Variants in ALDH1A2 observed in about 807,000 individuals in gnomAD.
ALDH1A2 encodes the protein aldehyde dehydrogenase 1 family member A2.
Under a neutral mutation model 60.3 loss-of-function variants are expected in ALDH1A2, and 27 were observed. The ratio of observed to expected loss-of-function variants is 0.45; its 90% CI spans 0.33 to 0.62. The LOEUF (loss-of-function observed/expected upper bound fraction) is 0.62, where lower values mean the gene tolerates loss of function less well. Ranked by LOEUF, ALDH1A2 falls within the 20% of genes least tolerant of loss-of-function variation. The pLI is 0.02. For synonymous variants in ALDH1A2, 289 were observed against 232.4 expected (o/e 1.24, Z -2.21); for missense variants, 581 against 643.8 (o/e 0.90, Z 1.06).
chr15:58,022,950 G>A (rs765168191), intron 1 of ALDH1A2, among the ~76,000 whole-genome samples: 12 of 152,148 alleles, frequency 7.9e-5, no homozygotes, highest in African/African-American at 1.7e-4. Context: ...ATGAAAAAGC[G>A]AAGAAATATG....
At chr15:58,065,264 T>C in intron 1 of ALDH1A2, 1 of 478,788 alleles carries the variant, frequency 2.1e-6, no homozygotes, top group Non-Finnish European at 3.8e-6. Flanking sequence ...GAAACCAGCC[T>C]CAGAGTCCGG....
intron 8 of ALDH1A2, among the ~76,000 whole-genome samples, chr15:57,965,038 G>A (rs905282999): frequency 2.0e-5 from 3 of 151,946 alleles, no homozygotes; most frequent in Admixed American, 1.3e-4. Context: ...ATCACTGAAT[G>A]AGATGGTGGG....
intron 7 of ALDH1A2, among the ~76,000 whole-genome samples, chr15:57,974,264 T>G (rs1894165368): frequency 6.6e-6 from 1 of 151,686 alleles, no homozygotes; most frequent in African/African-American, 2.4e-5. Flanking sequence ...AAACCCCATC[T>G]CTACTAAAAA....
chr15:57,961,202 A>G lies in ALDH1A2; in HGVS notation c.1344T>C (p.Ala448=). The G allele has an allele frequency of 6.2e-7, 1 of 1,614,190 alleles. No homozygotes were observed. Among genetic ancestry groups the G allele is most frequent in the African/African-American group, 1.3e-5 (1 of 75,058 alleles). ...CCTTGTTGATGTCATTAGTAAAGACAGCTGCTACGAGTCCAAAGTCTGAGT... is the reference window on the plus strand; with the variant it reads ...CCTTGTTGATGTCATTAGTAAAGACGGCTGCTACGAGTCCAAAGTCTGAGT... ...ANNSDFGLVA[A]VFTNDINKAL... is the part of the protein sequence containing the mutation. Residue 448 remains alanine, a synonymous_variant, in exon 11 of 13, where the codon GCT becomes GCC. Transcript: ENST00000249750.
At chr15:58,036,298 A>T (rs1412583493) in intron 1 of ALDH1A2, among the ~76,000 whole-genome samples, 1 of 151,716 alleles carries the variant, frequency 6.6e-6, no homozygotes, top group East Asian at 1.9e-4. Context: ...ATGCACACAC[A>T]TATACACACA....
chr15:58,058,888 G>A (rs1896958339), intron 1 of ALDH1A2, among the ~76,000 whole-genome samples: 1 of 152,118 alleles, frequency 6.6e-6, no homozygotes, highest in Admixed American at 6.6e-5. Context: ...TTCTACAGAG[G>A]TCAATTAATC....
chr15:58,034,776 T>G (rs1439504531), intron 1 of ALDH1A2, among the ~76,000 whole-genome samples: 3 of 151,700 alleles, frequency 2.0e-5, no homozygotes, highest in Non-Finnish European at 1.5e-5. Flanking sequence ...ACTACATTAA[T>G]TGAATTTTGA....
At chr15:58,018,726 A>G (rs1356150422) in intron 1 of ALDH1A2, among the ~76,000 whole-genome samples, 2 of 152,178 alleles carry the variant, frequency 1.3e-5, no homozygotes, top group African/African-American at 4.8e-5. Context: ...GTTCTGTGGT[A>G]ATCTTACCCA....
chr15:58,000,134 G>A (rs1895213915), intron 4 of ALDH1A2, among the ~76,000 whole-genome samples: 1 of 151,932 alleles, frequency 6.6e-6, no homozygotes, highest in South Asian at 2.1e-4. Context: ...TGGGTTGACA[G>A]GTGCAGCAAA....
intron 1 of ALDH1A2, among the ~76,000 whole-genome samples, chr15:58,042,729 CA>C (rs1335339978): frequency 6.6e-6 from 1 of 151,864 alleles, no homozygotes; most frequent in Non-Finnish European, 1.5e-5. Context: ...TAGATAAAGA[CA>C]CTGTGGTCAC....
At chr15:57,983,292 GTTGA>G (rs1369057470) in intron 7 of ALDH1A2, among the ~76,000 whole-genome samples, 3 of 152,158 alleles carry the variant, frequency 2.0e-5, no homozygotes, top group African/African-American at 4.8e-5. Context: ...ACCACTATTT[GTTGA>G]TTATCTGCCA....
chr15:57,965,912 G>T, intron 7 of ALDH1A2, 85 bp from the exon 8 acceptor site: 1 of 1,020,288 alleles, frequency 9.8e-7, no homozygotes, highest in Non-Finnish European at 1.5e-6. Flanking sequence ...GCATCAATGG[G>T]ATGCAACAGT....
intron 7 of ALDH1A2, among the ~76,000 whole-genome samples, chr15:57,986,086 G>C (rs1321837264): frequency 6.6e-6 from 1 of 152,226 alleles, no homozygotes; most frequent in African/African-American, 2.4e-5. Flanking sequence ...AAAGGTGCCA[G>C]AGAGACTTCT....
chr15:57,976,401 T>C (rs139841126), intron 7 of ALDH1A2, among the ~76,000 whole-genome samples: 163 of 152,284 alleles, frequency 1.1e-3, no homozygotes, highest in African/African-American at 3.8e-3. Context: ...ACATTAGCTA[T>C]TTCTCCTAAT....
intron 1 of ALDH1A2, among the ~76,000 whole-genome samples, chr15:58,043,589 A>G (rs748966216): frequency 1.6e-4 from 25 of 151,954 alleles, no homozygotes; most frequent in Non-Finnish European, 3.4e-4. Flanking sequence ...AATTATGTCT[A>G]ATATTTTAAC....
At chr15:57,979,891 G>A (rs889732726) in intron 7 of ALDH1A2, 1 of 359,622 alleles carries the variant, frequency 2.8e-6, no homozygotes, top group Non-Finnish European at 5.7e-6. Flanking sequence ...GGTACCCTGG[G>A]TGTAGCCCAT....
At chr15:58,031,146 G>A (rs1284617454) in intron 1 of ALDH1A2, among the ~76,000 whole-genome samples, 1 of 152,096 alleles carries the variant, frequency 6.6e-6, no homozygotes, top group Non-Finnish European at 1.5e-5. Context: ...AAAACAGCCT[G>A]GTACTAGTAC....
intron 1 of ALDH1A2, among the ~76,000 whole-genome samples, chr15:58,055,607 T>C (rs1320597051): frequency 2.0e-5 from 3 of 152,078 alleles, no homozygotes; most frequent in Non-Finnish European, 4.4e-5. Flanking sequence ...TCAGGTGTTA[T>C]ATGTAAGTAT....
chr15:57,961,321 T>C (rs761685954), intron 10 of ALDH1A2, 27 bp from the exon 11 acceptor site: 5 of 1,611,558 alleles, frequency 3.1e-6, no homozygotes, highest in East Asian at 4.5e-5. Flanking sequence ...TGACTCAACA[T>C]GGTTGCTCTG....
Sources: gnomAD v4.1 joint callset for allele counts (sites outside exome capture counted in the v4.1 genomes callset) on GRCh38, gnomAD v4.1.1 for gene constraint, MANE v1.5 for transcripts, NCBI Gene and HGNC (gene_info 2026-07-23, HGNC 2026-07-21) for gene names.